The following FES variants were observed in gnomAD, a reference collection of about 807,000 sequenced individuals.
FES encodes the protein tyrosine-protein kinase Fes/Fps.
Under a neutral mutation model 109.6 loss-of-function variants are expected in FES, and 83 were observed. That is an observed-to-expected ratio of 0.76 (90% CI 0.63 to 0.91). The LOEUF is 0.91. Among genes scored for constraint, FES ranks in the 40% least tolerant of loss-of-function variants. The probability of loss-of-function intolerance (pLI) is 0.00; values close to 1 mark genes in which losing one functional copy is unlikely to be tolerated. For synonymous variants in FES, 458 were observed against 442.1 expected, an observed-to-expected ratio of 1.04 and a Z score of -0.45; for missense variants, 943 against 1,070.9, an observed-to-expected ratio of 0.88 and a Z score of 1.67.
Position 90,893,083 on chromosome 15 carries a change from G to A in FES, c.1827-17G>A. On this transcript the variant is annotated splice_polypyrimidine_tract_variant and intron_variant, in intron 14 of 18. Coordinates refer to ENST00000328850, the MANE Select transcript of FES (RefSeq NM_002005.4). ...GCGGGCCTGGCCACGTAGATCCTGA[G>A]CAGCAGTGCCCTCCAGGATCCTGAA... 1.2e-6 allele frequency: 2 copies of A among 1,610,700 alleles called. No homozygotes were observed. Among genetic ancestry groups the A allele is most frequent in the Non-Finnish European group, 8.5e-7 (1 of 1,178,652 alleles).
Position 90,889,473 on chromosome 15 carries a change from C to G in FES, c.806+30C>G. The G allele has an allele frequency of 1.2e-6, 2 of 1,613,866 alleles. No individual in the cohort carries two copies. The highest frequency in any genetic ancestry group is 1.1e-5 in the South Asian group (1 of 91,062). On this transcript the variant is annotated intron_variant, in intron 6 of 18. Coordinates refer to ENST00000328850, the MANE Select transcript of FES (RefSeq NM_002005.4). This position sits in a 1 kb window ranked among gnomAD's most constrained non-coding sequence, Gnocchi z 6.1. The stretch of plus-strand genomic sequence containing the variant: ...GCCCCGTCCTTGCTCCTGCTGGGCC[C>G]AGGGCTGCTGGCCTGTCCACTGACG...
At position 90,893,356 on chromosome 15, in the gene FES, A is replaced by T. The variant is rs991810229; in HGVS notation, c.1987A>T (p.Met663Leu). 3 of 1,565,980 alleles carry T rather than the reference A, an allele frequency of 1.9e-6. No individual in the cohort carries two copies. Among genetic ancestry groups the T allele is most frequent in the Non-Finnish European group, 2.6e-6 (3 of 1,156,172 alleles). Reference sequence around the variant, plus strand: ...CCTGCGGGTGAAGACTCTGCTGCAGATGGTGGGGGATGCAGCTGCTGGCAT... The same window carrying T: ...CCTGCGGGTGAAGACTCTGCTGCAGTTGGTGGGGGATGCAGCTGCTGGCAT... Reference protein sequence around the residue: ...ARLRVKTLLQMVGDAAAGMEY... With the variant: ...ARLRVKTLLQLVGDAAAGMEY... Residue 663 changes from methionine (M) to leucine (L), a missense_variant, in exon 16 of 19, where the codon ATG becomes TTG. By Grantham distance (15) the Met-to-Leu change is conservative (BLOSUM62 2). Transcript: ENST00000328850.
At position 90,892,784 on chromosome 15, in the gene FES, G is replaced by A. The variant is rs1211042993; in HGVS notation, c.1785G>A (p.Thr595=). 9.9e-6 allele frequency: 16 copies of A among 1,613,664 alleles called. No homozygotes were observed. Among genetic ancestry groups the A allele is most frequent in the Middle Eastern group, 1.7e-4 (1 of 6,038 alleles). The change falls in exon 14 of 19, where the codon ACG becomes ACA. Residue 595 remains threonine, a synonymous_variant. Coordinates refer to ENST00000328850, the MANE Select transcript of FES (RefSeq NM_002005.4). ...TGGCGGTGAAGTCTTGTCGAGAGAC[G>A]CTCCCACCTGACCTCAAGGCCAAGT... ...TLVAVKSCRE[T]LPPDLKAKFL...
intron 5 of FES, among the ~76,000 whole-genome samples, chr15:90,888,733 C>T (rs2032900607): frequency 1.3e-5 from 2 of 150,984 alleles, no homozygotes; most frequent in African/African-American, 4.9e-5. Context: ...GTTTAGGAGA[C>T]AAGGATAGCA....
At chr15:90,888,963 T>C (rs2032932778) in intron 5 of FES, among the ~76,000 whole-genome samples, 1 of 151,914 alleles carries the variant, frequency 6.6e-6, no homozygotes, top group Non-Finnish European at 1.5e-5. Flanking sequence ...TTTTTGTATT[T>C]GCTTTTTCAG....
intron 18 of FES, among the ~76,000 whole-genome samples, chr15:90,894,561 G>A (rs2033533915): frequency 6.6e-6 from 1 of 152,028 alleles, no homozygotes; most frequent in Non-Finnish European, 1.5e-5. Flanking sequence ...CTCCAGCCTG[G>A]GCGACAAGAG....
In FES at chr15:90,889,174, G is replaced by C; in HGVS notation, c.669-132G>C. On this transcript the variant is annotated intron_variant, in intron 5 of 18. Coordinates refer to ENST00000328850, the MANE Select transcript of FES (RefSeq NM_002005.4). This position sits in a 1 kb window ranked among gnomAD's most constrained non-coding sequence, Gnocchi z 6.1. ...GGAGAGGTTAAATAATTTGCCTAGA[G>C]TGGCATGGCTAGCTCGAAGTGAGGC... 1 of 1,178,670 alleles carries C rather than the reference G, an allele frequency of 8.5e-7. No homozygotes were observed. The highest frequency in any genetic ancestry group is 1.2e-6 in the Non-Finnish European group (1 of 839,076). 73.0% of individuals were successfully genotyped at this position (1,178,670 alleles called of 1,614,324 possible).
intron 13 of FES, chr15:90,892,323 G>C (rs1476678701): frequency 4.8e-6 from 3 of 619,794 alleles, no homozygotes; most frequent in Non-Finnish European, 8.5e-6. Flanking sequence ...CCAGCACCCT[G>C]ACCTCATCAC....
rs549888709 is a variant in FES at position 90,885,467 on chromosome 15, A to G, written c.269A>G (p.His90Arg). 1.2e-6 allele frequency: 2 copies of G among 1,613,378 alleles called. No homozygotes were observed. Among genetic ancestry groups the G allele is most frequent in the South Asian group, 2.2e-5 (2 of 91,084 alleles). Residue 90 changes from histidine (H) to arginine (R), a missense_variant, in exon 3 of 19, where the codon CAC becomes CGC. By Grantham distance (29) the His-to-Arg change is conservative. Coordinates refer to ENST00000328850, the MANE Select transcript of FES (RefSeq NM_002005.4). Reference sequence around the variant, plus strand: ...GGCCTGAGCCGCTTGCTGCGGCAGCACGCAGAGGATCTGAACTCAGGGCCC... The same window carrying G: ...GGCCTGAGCCGCTTGCTGCGGCAGCGCGCAGAGGATCTGAACTCAGGGCCC... ...TEGLSRLLRQ[H>R]AEDLNSGPLS... is the part of the protein sequence containing the mutation.
At chr15:90,893,477 C>A in intron 16 of FES, 63 bp downstream of exon 16, 1 of 1,506,354 alleles carries the variant, frequency 6.6e-7, no homozygotes, top group Non-Finnish European at 8.8e-7. Flanking sequence ...GGTACCTATA[C>A]CCCTAGGGCC....
Position 90,890,210 on chromosome 15 carries a change from C to G in FES, c.1168C>G (p.His390Asp). 6.2e-7 allele frequency: 1 copy of G among 1,601,406 alleles called. No homozygotes were observed. The highest frequency in any genetic ancestry group is 8.5e-7 in the Non-Finnish European group (1 of 1,179,012). The change falls in exon 9 of 19, where the codon CAC becomes GAC. Residue 390 changes from histidine (H) to aspartate (D), a missense_variant. Coordinates refer to ENST00000328850, the MANE Select transcript of FES (RefSeq NM_002005.4). ...QQELLQTKLE[H>D]LGPGEPPPVL... Reference sequence around the variant, plus strand: ...GGAGTTGCTGCAGACCAAGCTGGAGCACCTGGGCCCCGGCGAGCCCCCGCC... The same window carrying G: ...GGAGTTGCTGCAGACCAAGCTGGAGGACCTGGGCCCCGGCGAGCCCCCGCC...
chr15:90,894,257 T>A (rs2033507415), intron 18 of FES, among the ~76,000 whole-genome samples, 199 bp downstream of exon 18: 1 of 151,748 alleles, frequency 6.6e-6, no homozygotes, highest in Admixed American at 6.6e-5. Flanking sequence ...CAAGATCAGC[T>A]TGGACAACAC....
At chr15:90,890,572 G>T in intron 10 of FES, 88 bp downstream of exon 10, 2 of 1,224,196 alleles carry the variant, frequency 1.6e-6, no homozygotes, top group East Asian at 5.0e-5. Context: ...TGCCCAGGCT[G>T]CTTGTATTGG....
At position 90,887,021 on chromosome 15, in the gene FES, G is replaced by A; in HGVS notation, c.448G>A (p.Ala150Thr). The change falls in exon 4 of 19, where the codon GCC becomes ACC. Residue 150 changes from alanine to threonine, a missense_variant. Physicochemically the swap from Ala to Thr is moderately conservative, Grantham distance 58 (BLOSUM62 0). Transcript: ENST00000328850. Reference sequence around the variant, plus strand: ...GTACCGAGCTCTGGCACGGGACAGTGCCCAAGCCAAGCGCAAGTACCAGGA... The same window carrying A: ...GTACCGAGCTCTGGCACGGGACAGTACCCAAGCCAAGCGCAAGTACCAGGA... ...SQYRALARDS[A>T]QAKRKYQEAS... is the part of the protein sequence containing the mutation. 1 of 1,614,188 alleles carries A rather than the reference G, an allele frequency of 6.2e-7. No homozygotes were observed. Among genetic ancestry groups the A allele is most frequent in the East Asian group, 2.2e-5 (1 of 44,896 alleles).
In FES at chr15:90,891,554, A is replaced by T. The variant is rs2033219406; in HGVS notation, c.1531A>T (p.Asn511Tyr). Residue 511 changes from asparagine (N) to tyrosine (Y), a missense_variant and splice_region_variant, in exon 12 of 19, where the codon AAC becomes TAC. Asn to Tyr is a moderately radical substitution (Grantham distance 143, BLOSUM62 -2). Transcript: ENST00000328850. Reference protein sequence around the residue: ...PRHFIIQSLDNLYRLEGEGFP... With the variant: ...PRHFIIQSLDYLYRLEGEGFP... ...TGACCCCGGGTCCCCTGCCCTGCAG[A>T]ACCTGTACCGACTGGAAGGGGAAGG... 3 of 1,613,594 alleles carry T rather than the reference A, an allele frequency of 1.9e-6. No homozygotes were observed. The East Asian group carries it at 6.7e-5, about 36-fold the overall frequency.
At chr15:90,885,382 C>T (rs1229575971) in intron 2 of FES, 30 bp from the exon 3 acceptor site, 1 of 1,599,590 alleles carries the variant, frequency 6.3e-7, no homozygotes. Flanking sequence ...TTGTGCCCCC[C>T]TCCCTGCCTC....
At chr15:90,888,739 T>G (rs557442636) in intron 5 of FES, among the ~76,000 whole-genome samples, 93 of 148,804 alleles carry the variant, frequency 6.2e-4, no homozygotes, top group African/African-American at 2.2e-3. Flanking sequence ...GAGACAAGGA[T>G]AGCAGTTCAT....
intron 5 of FES, 103 bp downstream of exon 5, chr15:90,887,473 C>T (rs1338117496): frequency 3.1e-6 from 4 of 1,281,776 alleles, no homozygotes; most frequent in Non-Finnish European, 4.2e-6. Context: ...TGGGAAGGTG[C>T]TGGCCATGTA....
Position 90,892,692 on chromosome 15 carries a change from C to T in FES, c.1708-15C>T, listed in dbSNP as rs545414710. On this transcript the variant is annotated splice_polypyrimidine_tract_variant and intron_variant, in intron 13 of 18. Transcript: ENST00000328850. ...GGACTGGGAAGGCCGTGGTAGGAGC[C>T]CAAGACCGTTTCAGGGGAACTTTGG... 1.9e-6 allele frequency: 3 copies of T among 1,593,196 alleles called. No individual in the cohort carries two copies. Among genetic ancestry groups the T allele is most frequent in the South Asian group, 2.2e-5 (2 of 88,938 alleles).
Sources: gnomAD v4.1 joint callset for allele counts (sites outside exome capture counted in the v4.1 genomes callset) on GRCh38, gnomAD v4.1.1 for gene constraint, Gnocchi (gnomAD v3.1) non-coding constraint, MANE v1.5 for transcripts, NCBI Gene and HGNC (gene_info 2026-07-23, HGNC 2026-07-21) for gene names.